The following CSF2RA variants were observed in gnomAD, a reference collection of about 807,000 sequenced individuals.
The protein encoded by CSF2RA is granulocyte-macrophage colony-stimulating factor receptor subunit alpha.
Under a neutral mutation model 51.6 loss-of-function variants are expected in CSF2RA, and 42 were observed. The ratio of observed to expected loss-of-function variants is 0.81; its 90% CI spans 0.64 to 1.05. The LOEUF is 1.05. CSF2RA is among the 50% of genes least tolerant of loss of function. The probability of loss-of-function intolerance (pLI) is 0.00; values close to 1 mark genes in which losing one functional copy is unlikely to be tolerated. For synonymous variants in CSF2RA, 222 were observed against 193.0 expected (o/e 1.15, Z -1.24); for missense variants, 530 against 501.1 (o/e 1.06, Z -0.55).
chrX:1,289,018 A>G (rs1212514912), intron 6 of CSF2RA, 130 bp downstream of exon 6: 2 of 1,264,594 alleles, frequency 1.6e-6, no homozygotes, highest in East Asian at 2.3e-5. Flanking sequence ...CTGCAATGCA[A>G]TGGTGCCACC....
chrX:1,319,714 G>GTTTTTTTT, the CSF2RA span, among the ~76,000 whole-genome samples: 1 of 121,316 alleles, frequency 8.2e-6, no homozygotes. Flanking sequence ...CGCCTTTGCT[G>GTTTTTTTT]TTTTTTTTTT....
the CSF2RA span, among the ~76,000 whole-genome samples, chrX:1,320,858 G>C: frequency 6.7e-6 from 1 of 149,106 alleles, no homozygotes. Flanking sequence ...TGTTTGTTTT[G>C]AGACAGAGTC....
chrX:1,289,578 G>T (rs1330135949), intron 6 of CSF2RA, among the ~76,000 whole-genome samples: 1 of 150,852 alleles, frequency 6.6e-6, no homozygotes, highest in Non-Finnish European at 1.5e-5. Flanking sequence ...TTTTTGTGGT[G>T]TTTTGTGTTT....
intron 1 of CSF2RA, among the ~76,000 whole-genome samples, chrX:1,269,278 A>G (rs867912815): frequency 6.0e-4 from 91 of 152,074 alleles, no homozygotes; most frequent in African/African-American, 2.1e-3. Context: ...TCTAGCACGG[A>G]ATTATCACGT....
the CSF2RA span, among the ~76,000 whole-genome samples, chrX:1,318,406 G>A: frequency 1.7e-4 from 26 of 151,044 alleles, no homozygotes; most frequent in Non-Finnish European, 2.4e-4. Flanking sequence ...CACGTGATCC[G>A]CCCACCTCGG....
downstream of CSF2RA, among the ~76,000 whole-genome samples, chrX:1,312,341 G>A (rs1479893511): frequency 2.6e-5 from 4 of 152,174 alleles, no homozygotes; most frequent in African/African-American, 9.6e-5. Context: ...TCCATAGAGA[G>A]CATTCTGTAA....
chrX:1,277,593 CAAAAAAA>C (rs749833246), intron 2 of CSF2RA, among the ~76,000 whole-genome samples: 5 of 70,440 alleles, frequency 7.1e-5, no homozygotes, highest in Admixed American at 2.3e-4. Context: ...AAGTCCATCT[CAAAAAAA>C]AAAAAAAAAA....
intron 10 of CSF2RA, chrX:1,303,474 A>G: frequency 2.2e-6 from 1 of 457,688 alleles, no homozygotes; most frequent in Non-Finnish European, 3.9e-6. Flanking sequence ...TCCTGACCTC[A>G]GATGATGCGC....
chrX:1,295,560 CAG>C, intron 9 of CSF2RA, 104 bp downstream of exon 9: 3 of 853,848 alleles, frequency 3.5e-6, no homozygotes, highest in Admixed American at 1.9e-5. Context: ...ATGACCCCTA[CAG>C]TCCCCTACCG....
the CSF2RA span, among the ~76,000 whole-genome samples, chrX:1,315,465 G>A: frequency 3.1e-4 from 47 of 152,062 alleles, no homozygotes; most frequent in African/African-American, 6.0e-4. Flanking sequence ...GTGCAGTGGC[G>A]CGATCTCAGC....
chrX:1,318,549 C>G, the CSF2RA span, among the ~76,000 whole-genome samples: 1 of 152,168 alleles, frequency 6.6e-6, no homozygotes, highest in Non-Finnish European at 1.5e-5. Flanking sequence ...CCCACTCCCC[C>G]TGAGCCGCCG....
intron 10 of CSF2RA, chrX:1,303,130 TC>T (rs2083176868): frequency 3.9e-6 from 1 of 259,304 alleles, no homozygotes; most frequent in African/African-American, 2.2e-5. Context: ...CGATCTTGGC[TC>T]ACTGCAACCT....
intron 1 of CSF2RA, among the ~76,000 whole-genome samples, chrX:1,273,451 G>A (rs28394579): frequency 0.74 from 112,998 of 151,826 alleles, 42,196 homozygotes; most frequent in Middle Eastern, 0.82. Flanking sequence ...AATAGCTGGC[G>A]TAATATGCAT....
downstream of CSF2RA, among the ~76,000 whole-genome samples, chrX:1,311,734 T>C (rs1444736763): frequency 6.6e-6 from 1 of 151,674 alleles, no homozygotes; most frequent in Non-Finnish European, 1.5e-5. Flanking sequence ...AGCCACCGCG[T>C]CCAGCCAAAT....
At chrX:1,279,380 A>G (rs1286473493) in intron 2 of CSF2RA, among the ~76,000 whole-genome samples, 2 of 151,984 alleles carry the variant, frequency 1.3e-5, no homozygotes, top group African/African-American at 4.8e-5. Context: ...AATAATAATA[A>G]TAACTAGTGC....
At chrX:1,315,397 T>A in the CSF2RA span, among the ~76,000 whole-genome samples, 17,209 of 151,816 alleles carry the variant, frequency 0.11, 1,261 homozygotes, top group East Asian at 0.25. Flanking sequence ...ATAGATGAAT[T>A]TTATTTTATT....
chrX:1,320,971 C>G, the CSF2RA span, among the ~76,000 whole-genome samples: 2 of 151,940 alleles, frequency 1.3e-5, no homozygotes, highest in Non-Finnish European at 2.9e-5. Context: ...TCCCAAGGAG[C>G]TGGGATTACA....
intron 9 of CSF2RA, among the ~76,000 whole-genome samples, chrX:1,296,432 C>G (rs1452033272): frequency 2.2e-5 from 1 of 46,182 alleles, no homozygotes; most frequent in African/African-American, 9.2e-5. Flanking sequence ...TACTCACGAC[C>G]CCTACACTCT....
intron 10 of CSF2RA, among the ~76,000 whole-genome samples, chrX:1,301,973 G>A (rs1262281681): frequency 6.9e-6 from 1 of 145,508 alleles, no homozygotes; most frequent in Non-Finnish European, 1.5e-5. Context: ...CTGGAGTGCA[G>A]TGGTGCCATC....
Sources: gnomAD v4.1 joint callset for allele counts (sites outside exome capture counted in the v4.1 genomes callset) on GRCh38, gnomAD v4.1.1 for gene constraint, MANE v1.5 for transcripts, NCBI Gene and HGNC (gene_info 2026-07-23, HGNC 2026-07-21) for gene names.